SESTD1: variants seen among roughly 807,000 people sequenced by gnomAD.
SESTD1 encodes the protein SEC14 and spectrin domain containing 1.
A neutral mutation model predicts 101.7 loss-of-function variants in SESTD1; 43 were observed. The ratio of observed to expected loss-of-function variants is 0.42; its 90% CI spans 0.33 to 0.55. SESTD1 has a LOEUF of 0.55. Among genes scored for constraint, SESTD1 ranks in the 20% least tolerant of loss-of-function variants. The probability of loss-of-function intolerance (pLI) is 0.07; values close to 1 mark genes in which losing one functional copy is unlikely to be tolerated. For missense variants in SESTD1, 647 were observed against 815.1 expected (o/e 0.79, Z 2.51); for synonymous variants, 283 against 286.8 (o/e 0.99, Z 0.13).
At chr2:179,169,095 T>A (rs997585083) in intron 5 of SESTD1, among the ~76,000 whole-genome samples, 10 of 152,234 alleles carry the variant, frequency 6.6e-5, no homozygotes, top group African/African-American at 2.4e-4. Context: ...AGATGGTAGA[T>A]TTTATAAACT....
At chr2:179,190,085 T>G (rs556077993) in intron 2 of SESTD1, among the ~76,000 whole-genome samples, 1 of 152,078 alleles carries the variant, frequency 6.6e-6, no homozygotes, top group Non-Finnish European at 1.5e-5. Flanking sequence ...AAAAGCCCAA[T>G]TAGCTACAGC....
At chr2:179,226,689 C>T (rs1478097414) in intron 1 of SESTD1, among the ~76,000 whole-genome samples, 1 of 152,120 alleles carries the variant, frequency 6.6e-6, no homozygotes, top group Non-Finnish European at 1.5e-5. Context: ...CATATTAACA[C>T]TAAAGAGCAT....
At chr2:179,131,440 G>A (rs1009422313) in intron 10 of SESTD1, among the ~76,000 whole-genome samples, 33 of 152,126 alleles carry the variant, frequency 2.2e-4, no homozygotes, top group African/African-American at 7.5e-4. Context: ...TTAATGTTCC[G>A]ACGGTACTTA....
intron 1 of SESTD1, among the ~76,000 whole-genome samples, chr2:179,240,949 G>A (rs2047143061): frequency 6.6e-6 from 1 of 151,806 alleles, no homozygotes; most frequent in Admixed American, 6.6e-5. Context: ...CTTCCACAAG[G>A]AATTATGAAC....
chr2:179,195,848 T>C (rs2046382949), intron 1 of SESTD1, among the ~76,000 whole-genome samples: 1 of 150,410 alleles, frequency 6.6e-6, no homozygotes. Flanking sequence ...GGAAGGTTAT[T>C]TAAAAAAAAA....
chr2:179,114,051 C>G (rs1389722050), intron 16 of SESTD1, among the ~76,000 whole-genome samples: 1 of 151,442 alleles, frequency 6.6e-6, no homozygotes, highest in Non-Finnish European at 1.5e-5. Flanking sequence ...TATGAAATCT[C>G]ACTGCACAGA....
chr2:179,201,797 T>A (rs2046520056), intron 1 of SESTD1, among the ~76,000 whole-genome samples: 1 of 130,080 alleles, frequency 7.7e-6, no homozygotes, highest in African/African-American at 3.1e-5. Flanking sequence ...GGGGGAGGGA[T>A]AGCATTGGGC....
chr2:179,264,639 A>AGCG lies in SESTD1; in HGVS notation c.-167_-166insCGC, dbSNP rs1559168935. The AGCG allele has an allele frequency of 1.3e-5, 2 of 151,308 alleles. No homozygotes were observed. The highest frequency in any genetic ancestry group is 4.9e-5 in the African/African-American group (2 of 41,022). The allele number at this position is 151,308 out of a possible 1,614,324, so 9.4% of individuals were successfully genotyped here. A position where few individuals can be genotyped will look rare whatever the true frequency, so the allele number is the denominator to read the frequency against. ...CGGAGCGGGCCCGGGCGGCGGCGGC[A>AGCG]GCAGCGGCGACGGCTGCGGCTCCAG... On this transcript the variant is annotated 5_prime_UTR_variant, in exon 1 of 18. Transcript: ENST00000428443.
rs2044376603 is a variant in SESTD1 at position 179,106,108 on chromosome 2, T to G, written c.*3791A>C. 1 of 151,030 alleles carries G rather than the reference T, an allele frequency of 6.6e-6. No individual in the cohort carries two copies. Among genetic ancestry groups the G allele is most frequent in the Non-Finnish European group, 1.5e-5 (1 of 67,770 alleles). 9.4% of individuals were successfully genotyped at this position (151,030 alleles called of 1,614,324 possible). On this transcript the variant is annotated 3_prime_UTR_variant, in exon 18 of 18. Coordinates refer to ENST00000428443, the MANE Select transcript of SESTD1 (RefSeq NM_178123.5). ...GTTAACAATAAGTCTACTAATTAGG[T>G]TAACTGCTTAGCTATGTTCCAGCCA...
intron 13 of SESTD1, among the ~76,000 whole-genome samples, chr2:179,118,489 C>G (rs2154393872): frequency 6.6e-6 from 1 of 152,058 alleles, no homozygotes; most frequent in Non-Finnish European, 1.5e-5. Context: ...ACACTGTGCT[C>G]TACTATACTT....
intron 1 of SESTD1, among the ~76,000 whole-genome samples, chr2:179,241,663 A>G (rs1036344375): frequency 6.6e-6 from 1 of 151,986 alleles, no homozygotes; most frequent in Non-Finnish European, 1.5e-5. Flanking sequence ...TGGCTCACGC[A>G]TGTAATCCCA....
Position 179,108,369 on chromosome 2 carries a change from A to G in SESTD1, c.*1530T>C, listed in dbSNP as rs1445652793. 3 of 152,232 alleles carry G rather than the reference A, an allele frequency of 2.0e-5. No homozygotes were observed. The highest frequency in any genetic ancestry group is 4.4e-5 in the Non-Finnish European group (3 of 68,060). 9.4% of individuals were successfully genotyped at this position (152,232 alleles called of 1,614,324 possible). A position where few individuals can be genotyped will look rare whatever the true frequency, so the allele number is the denominator to read the frequency against. On this transcript the variant is annotated 3_prime_UTR_variant, in exon 18 of 18. Coordinates refer to ENST00000428443, the MANE Select transcript of SESTD1 (RefSeq NM_178123.5). ...GGTTGCTCAATGGTGTAAATGTTGC[A>G]GAGAAAAGGGTAAGGGATTCAGACG...
rs1419540515 is a variant in SESTD1, at chr2:179,105,854, T to C, written c.*4045A>G. 1 of 152,196 alleles carries C rather than the reference T, an allele frequency of 6.6e-6. No individual in the cohort carries two copies. The highest frequency in any genetic ancestry group is 1.5e-5 in the Non-Finnish European group (1 of 68,018). The allele number at this position is 152,196 out of a possible 1,614,324, so 9.4% of individuals were successfully genotyped here. A position where few individuals can be genotyped will look rare whatever the true frequency, so the allele number is the denominator to read the frequency against. On this transcript the variant is annotated 3_prime_UTR_variant, in exon 18 of 18. Transcript: ENST00000428443. ...TTCAAGCTCCAAACACTTTCCATTA[T>C]ATTCATTACAGTTCTTGTTTTAGCT...
At chr2:179,177,133 G>A (rs186343824) in intron 3 of SESTD1, among the ~76,000 whole-genome samples, 15 of 152,242 alleles carry the variant, frequency 9.9e-5, no homozygotes, top group African/African-American at 3.4e-4. Flanking sequence ...GTCAGTCACA[G>A]GACCAGCAAA....
chr2:179,196,343 C>G (rs867686661), intron 1 of SESTD1, among the ~76,000 whole-genome samples: 1 of 152,194 alleles, frequency 6.6e-6, no homozygotes, highest in African/African-American at 2.4e-5. Context: ...GCACAGCAGT[C>G]TGAGATCAAA....
chr2:179,133,843 T>C (rs2045071274), intron 9 of SESTD1, among the ~76,000 whole-genome samples: 1 of 152,190 alleles, frequency 6.6e-6, no homozygotes, highest in Non-Finnish European at 1.5e-5. Flanking sequence ...TCAGCCCTGT[T>C]TGGATATCCA....
chr2:179,193,564 T>C (rs1217997290), intron 1 of SESTD1, among the ~76,000 whole-genome samples: 1 of 152,212 alleles, frequency 6.6e-6, no homozygotes, highest in Non-Finnish European at 1.5e-5. Context: ...AAAGGGGTGA[T>C]AATAATTATT....
At chr2:179,122,024 C>A in intron 12 of SESTD1, 95 bp from the exon 13 acceptor site, 1 of 1,269,328 alleles carries the variant, frequency 7.9e-7, no homozygotes, top group East Asian at 2.6e-5. Flanking sequence ...ACCTGGATCC[C>A]AAGTATAGGA....
intron 10 of SESTD1, among the ~76,000 whole-genome samples, chr2:179,125,126 ACCT>A: frequency 6.6e-6 from 1 of 151,864 alleles, no homozygotes; most frequent in Middle Eastern, 3.4e-3. Context: ...ACTTGTCCTC[ACCT>A]CAACTCAGCT....
Sources: gnomAD v4.1 joint callset for allele counts (sites outside exome capture counted in the v4.1 genomes callset) on GRCh38, gnomAD v4.1.1 for gene constraint, MANE v1.5 for transcripts, NCBI Gene and HGNC (gene_info 2026-07-23, HGNC 2026-07-21) for gene names.